Variants in DMD observed in about 807,000 individuals in gnomAD.
DMD encodes dystrophin.
In DMD, 63 loss-of-function variants were observed where a neutral mutation model predicts 330.1. The ratio of observed to expected loss-of-function variants is 0.19; its 90% CI spans 0.16 to 0.24. DMD has a LOEUF of 0.24. Ranked by LOEUF, DMD falls within the 10% of genes least tolerant of loss-of-function variation. DMD has a pLI of 1.00. For synonymous variants in DMD, 1,223 were observed against 959.8 expected, an observed-to-expected ratio of 1.27 and a Z score of -5.07; for missense variants, 3,344 against 2,684.1, an observed-to-expected ratio of 1.25 and a Z score of -5.43.
At chrX:32,586,962 G>T (rs1217742411) in intron 13 of DMD, among the ~76,000 whole-genome samples, 1 of 111,066 alleles carries the variant, frequency 9.0e-6, no homozygotes, top group Non-Finnish European at 1.9e-5. Context: ...CACATTTAAA[G>T]TTTTTTTTAA....
intron 43 of DMD, among the ~76,000 whole-genome samples, chrX:32,283,961 T>C (rs1212508337): frequency 9.0e-6 from 1 of 111,550 alleles, no homozygotes; most frequent in African/African-American, 3.3e-5. Context: ...TAGATACTTT[T>C]TTTTTGCAGT....
chrX:31,712,075 G>A (rs2084679919), intron 52 of DMD, among the ~76,000 whole-genome samples: 1 of 111,545 alleles, frequency 9.0e-6, no homozygotes, highest in Admixed American at 9.6e-5. Context: ...TCATAGAAGA[G>A]AGGATTACAA....
At chrX:31,321,456 G>A (rs1368193431) in intron 62 of DMD, among the ~76,000 whole-genome samples, 1 of 107,555 alleles carries the variant, frequency 9.3e-6, no homozygotes, top group African/African-American at 3.4e-5. Context: ...ATGGTGGCAG[G>A]TGCCTGTAGT....
chrX:32,424,758 A>G (rs2098204505), intron 29 of DMD, among the ~76,000 whole-genome samples: 1 of 108,592 alleles, frequency 9.2e-6, no homozygotes, highest in Non-Finnish European at 1.9e-5. Context: ...CTGACATAAA[A>G]ATCTGAATTA....
In DMD at chrX:31,986,972, A is replaced by G. The variant is rs1441735338; in HGVS notation, c.6439-18458T>C. On this transcript the variant is annotated intron_variant, in intron 44 of 78. Transcript: ENST00000357033. ...CCTATATGCACGTGTGTGAAGGGAAAGGTATTCTCTCTCGATTATCTATAT... is the reference window on the plus strand; with the variant it reads ...CCTATATGCACGTGTGTGAAGGGAAGGGTATTCTCTCTCGATTATCTATAT... Among the ~76,000 whole-genome samples the G allele has an allele frequency of 2.7e-5, 3 of 111,864 alleles. No homozygotes were observed. The Admixed American group carries it at 2.8e-4, about 11-fold the overall frequency.
At chrX:31,202,408 GAT>G (rs1056802751) in intron 67 of DMD, among the ~76,000 whole-genome samples, 3 of 111,712 alleles carry the variant, frequency 2.7e-5, no homozygotes, top group African/African-American at 9.8e-5. Flanking sequence ...AGGAGGAAAA[GAT>G]ATTTATTTCT....
chrX:32,342,367 T>C, intron 40 of DMD, 85 bp from the exon 41 acceptor site: 1 of 1,008,752 alleles, frequency 9.9e-7, no homozygotes, highest in Non-Finnish European at 1.4e-6. Context: ...TCTCTCAAAA[T>C]TTCAAAGGCT....
At chrX:32,465,288 C>G (rs1484174242) in intron 23 of DMD, among the ~76,000 whole-genome samples, 1 of 111,399 alleles carries the variant, frequency 9.0e-6, no homozygotes, top group Non-Finnish European at 1.9e-5. Context: ...ATCTCTCACC[C>G]ATGATTCTTT....
At chrX:31,497,027 T>A (rs1256307434) in intron 56 of DMD, 83 bp from the exon 57 acceptor site, 7 of 1,085,087 alleles carry the variant, frequency 6.5e-6, no homozygotes, top group Non-Finnish European at 8.8e-6. Context: ...AAAAGTACAA[T>A]AAACCTATTG....
chrX:32,372,893 A>G (rs2147355968), intron 34 of DMD, among the ~76,000 whole-genome samples: 1 of 111,147 alleles, frequency 9.0e-6, no homozygotes, highest in South Asian at 3.8e-4. Flanking sequence ...CTTTTAAAAT[A>G]TATTCTTTTT....
At chrX:32,358,288 C>T (rs1195741885) in intron 37 of DMD, among the ~76,000 whole-genome samples, 1 of 110,654 alleles carries the variant, frequency 9.0e-6, no homozygotes, top group Non-Finnish European at 1.9e-5. Context: ...TTTTGTCTTC[C>T]CATGCCCCTT....
rs1215357087 is a variant in DMD at position 32,836,071 on chromosome X, C to T, written c.264+8712G>A. Among the ~76,000 whole-genome samples, 3 of 109,896 alleles carry T rather than the reference C, an allele frequency of 2.7e-5. No homozygotes were observed. The East Asian group carries it at 8.6e-4, about 31-fold the overall frequency. ...TTTTGGAGACAAGTCTTGCTCGATCCCCCAGACTAGAGTGCAGTGGTATGA... is the reference window on the plus strand; with the variant it reads ...TTTTGGAGACAAGTCTTGCTCGATCTCCCAGACTAGAGTGCAGTGGTATGA... On this transcript the variant is annotated intron_variant, in intron 4 of 78. Coordinates refer to ENST00000357033, the MANE Select transcript of DMD (RefSeq NM_004006.3).
At chrX:32,064,852 GC>G (rs1226539420) in intron 44 of DMD, among the ~76,000 whole-genome samples, 1 of 111,353 alleles carries the variant, frequency 9.0e-6, no homozygotes, top group African/African-American at 3.3e-5. Context: ...AAATGCTTAT[GC>G]TTTTTATTTG....
At chrX:32,699,787 G>A (rs1427994221) in intron 7 of DMD, among the ~76,000 whole-genome samples, 1 of 111,514 alleles carries the variant, frequency 9.0e-6, no homozygotes, top group Non-Finnish European at 1.9e-5. Flanking sequence ...AGCTAAATAA[G>A]TCTCTGCTGA....
chrX:33,135,505 A>C (rs1162356933), intron 1 of DMD, among the ~76,000 whole-genome samples: 3 of 112,528 alleles, frequency 2.7e-5, no homozygotes, highest in Non-Finnish European at 5.6e-5. Flanking sequence ...TAATATATTT[A>C]TATGCAGACA....
intron 2 of DMD, among the ~76,000 whole-genome samples, chrX:32,894,196 C>A (rs760233136): frequency 8.9e-6 from 1 of 112,012 alleles, no homozygotes; most frequent in Admixed American, 9.5e-5. Context: ...TACATCTGCC[C>A]AAATAAACGC....
chrX:31,729,199 T>C (rs1016151603), intron 52 of DMD, among the ~76,000 whole-genome samples: 1 of 111,589 alleles, frequency 9.0e-6, no homozygotes, highest in African/African-American at 3.3e-5. Flanking sequence ...AGCGGAGAGA[T>C]ATCCAGATCT....
At chrX:32,735,716 T>G (rs143862173) in intron 7 of DMD, among the ~76,000 whole-genome samples, 8,442 of 111,758 alleles carry the variant, frequency 0.076, 788 homozygotes, top group African/African-American at 0.26. Flanking sequence ...TAGCCATATG[T>G]AGAAAGCTGA....
At chrX:31,277,531 C>G (rs2052241960) in intron 62 of DMD, among the ~76,000 whole-genome samples, 1 of 111,475 alleles carries the variant, frequency 9.0e-6, no homozygotes, top group Non-Finnish European at 1.9e-5. Context: ...ATTGAATAAA[C>G]AGATCTGCAT....
Sources: gnomAD v4.1 joint callset for allele counts (sites outside exome capture counted in the v4.1 genomes callset) on GRCh38, gnomAD v4.1.1 for gene constraint, MANE v1.5 for transcripts, NCBI Gene and HGNC (gene_info 2026-07-23, HGNC 2026-07-21) for gene names.